NEDD4L: variants seen among roughly 807,000 people sequenced by gnomAD.
NEDD4L encodes the protein E3 ubiquitin-protein ligase NEDD4-like.
NEDD4L carries 54 observed loss-of-function variants against 148.9 expected under a neutral mutation model. That is an observed-to-expected ratio of 0.36 (90% CI 0.29 to 0.45). The LOEUF is 0.45. Ranked by LOEUF, NEDD4L falls within the 20% of genes least tolerant of loss-of-function variation. The pLI, the probability that NEDD4L is intolerant of heterozygous loss-of-function variation, is 1.00. For missense variants in NEDD4L, 856 were observed against 1,233.8 expected, an observed-to-expected ratio of 0.69 and a Z score of 4.59; for synonymous variants, 433 against 440.7, an observed-to-expected ratio of 0.98 and a Z score of 0.22.
intron 1 of NEDD4L, among the ~76,000 whole-genome samples, chr18:58,102,017 C>T (rs1474532107): frequency 2.6e-5 from 4 of 152,150 alleles, no homozygotes; most frequent in Non-Finnish European, 2.9e-5. Flanking sequence ...TGTTGCCTTC[C>T]TTGGTTGGTT....
intron 19 of NEDD4L, among the ~76,000 whole-genome samples, chr18:58,360,227 G>T (rs1437013297): frequency 6.6e-6 from 1 of 152,174 alleles, no homozygotes; most frequent in Non-Finnish European, 1.5e-5. Flanking sequence ...TCTTCAGTAT[G>T]GGGATTGTGT....
At chr18:58,202,052 T>C (rs2041472928) in intron 2 of NEDD4L, among the ~76,000 whole-genome samples, 1 of 152,248 alleles carries the variant, frequency 6.6e-6, no homozygotes, top group African/African-American at 2.4e-5. Flanking sequence ...AAGTAAATTC[T>C]TCCTCTCTTG....
chr18:58,357,164 A>AT (rs201044327), intron 18 of NEDD4L, 30 bp from the exon 19 acceptor site: 24,227 of 1,416,160 alleles, frequency 0.017, 1 homozygote, highest in Non-Finnish European at 0.02. Context: ...TAATGTTCTG[A>AT]TTTTTTTTTT....
intron 2 of NEDD4L, among the ~76,000 whole-genome samples, chr18:58,218,376 T>C (rs553439914): frequency 6.6e-5 from 10 of 152,300 alleles, no homozygotes; most frequent in African/African-American, 2.4e-4. Flanking sequence ...GTAAGCAATA[T>C]ACAATTAAAG....
intron 2 of NEDD4L, among the ~76,000 whole-genome samples, chr18:58,240,262 T>C (rs897031267): frequency 5.9e-5 from 9 of 152,194 alleles, no homozygotes. Flanking sequence ...GGTTTTTCTT[T>C]TGGATTTTGT....
At chr18:58,097,197 G>C (rs2084469934) in intron 1 of NEDD4L, among the ~76,000 whole-genome samples, 1 of 152,216 alleles carries the variant, frequency 6.6e-6, no homozygotes, top group Admixed American at 6.5e-5. Context: ...CTGATGGGAA[G>C]GAAATGAGAC....
chr18:58,048,891 A>G (rs2081725709), intron 1 of NEDD4L, among the ~76,000 whole-genome samples: 1 of 152,196 alleles, frequency 6.6e-6, no homozygotes. Flanking sequence ...TTGTTTACAT[A>G]TAATTATCCA....
At chr18:58,333,772 T>C in intron 11 of NEDD4L, 46 bp from the exon 12 acceptor site, 1 of 1,442,002 alleles carries the variant, frequency 6.9e-7, no homozygotes, top group Non-Finnish European at 9.8e-7. Context: ...AAGTTGCTTT[T>C]AAGAATATAT....
intron 5 of NEDD4L, among the ~76,000 whole-genome samples, chr18:58,305,784 T>C (rs1404669895): frequency 6.6e-6 from 1 of 151,714 alleles, no homozygotes; most frequent in Non-Finnish European, 1.5e-5. Context: ...ACTTTTCTCA[T>C]CAAGCTGGTG....
intron 1 of NEDD4L, among the ~76,000 whole-genome samples, chr18:58,139,893 A>T (rs113422049): frequency 5.7e-4 from 87 of 152,282 alleles, no homozygotes; most frequent in Non-Finnish European, 7.8e-4. Flanking sequence ...GGCAGGTGAG[A>T]TGGAGGCTTT....
At chr18:58,046,793 C>CA (rs1334785573) in intron 1 of NEDD4L, 1 of 152,106 alleles carries the variant, frequency 6.6e-6, no homozygotes, top group African/African-American at 2.4e-5. Flanking sequence ...GATGAAGACA[C>CA]CTTTTATTAT....
intron 1 of NEDD4L, among the ~76,000 whole-genome samples, chr18:58,116,243 T>A (rs1382744338): frequency 6.6e-6 from 1 of 152,234 alleles, no homozygotes; most frequent in Non-Finnish European, 1.5e-5. Context: ...CTGTAAGCAT[T>A]TTCTGTGAGT....
rs763110279 is a variant in NEDD4L at position 58,383,326 on chromosome 18, A to G, written c.2426+7A>G. On this transcript the variant is annotated splice_region_variant and intron_variant, in intron 25 of 30. Transcript: ENST00000400345. ...ACAAAAGGGAATATATCGAGTATGT[A>G]TACACATATTTACTGCCTTTTCTTT... 1.4e-6 allele frequency: 2 copies of G among 1,463,816 alleles called. No homozygotes were observed. Among genetic ancestry groups the G allele is most frequent in the Non-Finnish European group, 9.4e-7 (1 of 1,068,478 alleles). 90.7% of individuals were successfully genotyped at this position (1,463,816 alleles called of 1,614,324 possible).
Position 58,200,795 on chromosome 18 carries a change from C to T in NEDD4L, c.122+34934C>T, listed in dbSNP as rs149238437. 2.3e-3 allele frequency among the ~76,000 whole-genome samples: 347 copies of T among 152,282 alleles called. 1 individual carries two copies. Among genetic ancestry groups the T allele is most frequent in the African/African-American group, 8.1e-3 (335 of 41,566 alleles). On this transcript the variant is annotated intron_variant, in intron 2 of 30. Coordinates refer to ENST00000400345, the MANE Select transcript of NEDD4L (RefSeq NM_001144967.3). Reference sequence around the variant, plus strand: ...ACAGGTGGGCAGAGGAGTCATCCTGCAATTTTGTTGTGAAAACAGAATGAG... The same window carrying T: ...ACAGGTGGGCAGAGGAGTCATCCTGTAATTTTGTTGTGAAAACAGAATGAG...
intron 2 of NEDD4L, among the ~76,000 whole-genome samples, chr18:58,178,665 A>G (rs964319306): frequency 8.5e-5 from 13 of 152,256 alleles, no homozygotes; most frequent in African/African-American, 3.1e-4. Context: ...ACTGTATAAT[A>G]TCAACACAAG....
rs2050719233 is a variant in NEDD4L at position 58,399,552 on chromosome 18, TC to T, written c.*3284del. ...CTCAGGCTGGAGTGCAGTGGCTCAATCTCAGCTCACCACAACCTCTGCCTCC... is the reference window on the plus strand; with the variant it reads ...CTCAGGCTGGAGTGCAGTGGCTCAATTCAGCTCACCACAACCTCTGCCTCC... On this transcript the variant is annotated 3_prime_UTR_variant, in exon 31 of 31. Coordinates refer to ENST00000400345, the MANE Select transcript of NEDD4L (RefSeq NM_001144967.3). 1 of 152,326 alleles carries T rather than the reference TC, an allele frequency of 6.6e-6. No homozygotes were observed. Among genetic ancestry groups the T allele is most frequent in the Non-Finnish European group, 1.5e-5 (1 of 68,120 alleles). 9.4% of individuals were successfully genotyped at this position (152,326 alleles called of 1,614,324 possible).
In NEDD4L at chr18:58,315,934, G is replaced by C. The variant is rs200559702; in HGVS notation, c.298-48G>C. On this transcript the variant is annotated intron_variant, in intron 5 of 30. Coordinates refer to ENST00000400345, the MANE Select transcript of NEDD4L (RefSeq NM_001144967.3). ...TAAAACATTTTTAGGAAATGCTGAC[G>C]CTCAGTGAAGAAATGGAAACACTAA... 10 of 1,453,792 alleles carry C rather than the reference G, an allele frequency of 6.9e-6. No homozygotes were observed. The Admixed American group carries it at 1.7e-4, about 24-fold the overall frequency. The allele number at this position is 1,453,792 out of a possible 1,614,324, so 90.1% of individuals were successfully genotyped here. A position where few individuals can be genotyped will look rare whatever the true frequency, so the allele number is the denominator to read the frequency against.
intron 2 of NEDD4L, among the ~76,000 whole-genome samples, chr18:58,192,584 C>G (rs188385446): frequency 3.9e-5 from 6 of 152,248 alleles, no homozygotes; most frequent in East Asian, 1.9e-4. Context: ...ATGGTTTTTC[C>G]TAGCTGTCTT....
At chr18:58,106,849 A>G (rs2085097695) in intron 1 of NEDD4L, among the ~76,000 whole-genome samples, 1 of 152,120 alleles carries the variant, frequency 6.6e-6, no homozygotes, top group South Asian at 2.1e-4. Flanking sequence ...CCAGGATCTG[A>G]ACCTGTCCCC....
Sources: allele counts gnomAD v4.1 joint callset (sites outside exome capture counted in the v4.1 genomes callset), GRCh38; gene constraint gnomAD v4.1.1; transcripts MANE v1.5; gene names NCBI Gene and HGNC (gene_info 2026-07-23, HGNC 2026-07-21).